CRB1: variants seen among roughly 807,000 people sequenced by gnomAD.
CRB1 encodes the protein protein crumbs homolog 1.
Under a neutral mutation model 120.0 loss-of-function variants are expected in CRB1, and 83 were observed. The observed-to-expected ratio is 0.69, with a 90% CI of 0.58 to 0.83. The LOEUF (loss-of-function observed/expected upper bound fraction) is 0.83, where lower values mean the gene tolerates loss of function less well. Ranked by LOEUF, CRB1 falls within the 40% of genes least tolerant of loss-of-function variation. CRB1 has a pLI of 0.00. For missense variants in CRB1, 1,699 were observed against 1,687.6 expected, an observed-to-expected ratio of 1.01 and a Z score of -0.12; for synonymous variants, 625 against 612.5, an observed-to-expected ratio of 1.02 and a Z score of -0.30.
intron 11 of CRB1, among the ~76,000 whole-genome samples, chr1:197,451,183 T>C (rs1426372460): frequency 2.0e-5 from 3 of 152,170 alleles, no homozygotes; most frequent in South Asian, 2.1e-4. Flanking sequence ...TAAGCACTGA[T>C]TGAAAGAGAG....
At chr1:197,461,414 C>T (rs1403786846) in intron 11 of CRB1, among the ~76,000 whole-genome samples, 1 of 152,060 alleles carries the variant, frequency 6.6e-6, no homozygotes, top group Non-Finnish European at 1.5e-5. Flanking sequence ...TGTAAAGAGG[C>T]ACTCTGGGAT....
At chr1:197,208,669 C>T in the CRB1 span, among the ~76,000 whole-genome samples, 1 of 152,086 alleles carries the variant, frequency 6.6e-6, no homozygotes, top group Non-Finnish European at 1.5e-5. Context: ...ATTAAATGTT[C>T]TGGTTTTCTG....
the CRB1 span, among the ~76,000 whole-genome samples, chr1:197,253,143 A>C: frequency 6.6e-6 from 1 of 152,050 alleles, no homozygotes; most frequent in Non-Finnish European, 1.5e-5. Context: ...CAAAATCTGC[A>C]TAGTCTACTC....
chr1:197,373,443 G>C (rs1373883147), intron 5 of CRB1, among the ~76,000 whole-genome samples: 3 of 152,140 alleles, frequency 2.0e-5, no homozygotes, highest in African/African-American at 4.8e-5. Context: ...CTGACATGAG[G>C]TTGTCACTAG....
chr1:197,286,839 TG>T (rs1399424383), intron 1 of CRB1, among the ~76,000 whole-genome samples: 3 of 151,922 alleles, frequency 2.0e-5, no homozygotes, highest in Admixed American at 1.3e-4. Flanking sequence ...CAAAGCCATA[TG>T]GTTATCAGAA....
rs1664455697 is a variant in CRB1, at chr1:197,423,923, C to T, written c.2128+1967C>T. Among the ~76,000 whole-genome samples, 5 of 152,070 alleles carry T rather than the reference C, an allele frequency of 3.3e-5. 1 individual carries two copies. Among genetic ancestry groups the T allele is most frequent in the Non-Finnish European group, 7.4e-5 (5 of 67,990 alleles). On this transcript the variant is annotated intron_variant, in intron 6 of 11. Coordinates refer to ENST00000367400, the MANE Select transcript of CRB1 (RefSeq NM_201253.3). ...AACTAAGCTTAGGTCACAGAAGTGT[C>T]CATAAGGTTCTCTCAGCATATCTTG...
At chr1:197,250,004 C>T in the CRB1 span, among the ~76,000 whole-genome samples, 1 of 151,986 alleles carries the variant, frequency 6.6e-6, no homozygotes, top group South Asian at 2.1e-4. Context: ...CCATGCACTC[C>T]TGCTTCTCTT....
intron 6 of CRB1, 59 bp from the exon 7 acceptor site, chr1:197,427,395 C>G (rs1393590518): frequency 5.9e-6 from 9 of 1,526,022 alleles, no homozygotes; most frequent in Non-Finnish European, 8.2e-6. Flanking sequence ...TCCCTTCTGT[C>G]TTTTGAGCCT....
chr1:197,259,263 G>A, the CRB1 span, among the ~76,000 whole-genome samples: 1 of 152,186 alleles, frequency 6.6e-6, no homozygotes, highest in Non-Finnish European at 1.5e-5. Context: ...CAATAGCAAA[G>A]GCATGGAATC....
chr1:197,419,393 C>T (rs1382678963), intron 5 of CRB1, among the ~76,000 whole-genome samples: 2 of 148,330 alleles, frequency 1.3e-5, no homozygotes, highest in South Asian at 4.2e-4. Flanking sequence ...ACAAGAGTCT[C>T]GCTTTGTTGC....
At chr1:197,201,610 G>C in the CRB1 span, among the ~76,000 whole-genome samples, 7 of 152,230 alleles carry the variant, frequency 4.6e-5, no homozygotes, top group African/African-American at 7.2e-5. Context: ...GCTGAGGGAG[G>C]GCAATGGGAG....
At chr1:197,366,208 C>G in intron 5 of CRB1, among the ~76,000 whole-genome samples, 1 of 151,900 alleles carries the variant, frequency 6.6e-6, no homozygotes, top group African/African-American at 2.4e-5. Flanking sequence ...TCTTCCATCC[C>G]GAATAGTTGG....
At chr1:197,250,871 G>T in the CRB1 span, among the ~76,000 whole-genome samples, 1 of 151,878 alleles carries the variant, frequency 6.6e-6, no homozygotes, top group African/African-American at 2.4e-5. Context: ...TCTTTCCCTT[G>T]TGTCTCCTGG....
chr1:197,297,268 G>C (rs992395190), intron 1 of CRB1, among the ~76,000 whole-genome samples: 1 of 151,766 alleles, frequency 6.6e-6, no homozygotes, highest in African/African-American at 2.4e-5. Flanking sequence ...TTGATTATCT[G>C]CTCCTAATTG....
chr1:197,253,922 G>A, the CRB1 span, among the ~76,000 whole-genome samples: 1 of 151,986 alleles, frequency 6.6e-6, no homozygotes, highest in Admixed American at 6.6e-5. Flanking sequence ...TGAGAGGTTT[G>A]TGTTTGTTTG....
At chr1:197,349,930 C>T (rs1659993927) in intron 4 of CRB1, among the ~76,000 whole-genome samples, 1 of 151,618 alleles carries the variant, frequency 6.6e-6, no homozygotes, top group African/African-American at 2.4e-5. Flanking sequence ...GAAACCCCGT[C>T]TCTACTAAAA....
intron 11 of CRB1, chr1:197,442,570 A>T: frequency 7.1e-7 from 1 of 1,404,840 alleles, no homozygotes; most frequent in Non-Finnish European, 9.3e-7. Flanking sequence ...TATCAGAAGC[A>T]CTTTGTCTGT....
intron 1 of CRB1, among the ~76,000 whole-genome samples, chr1:197,273,116 G>C (rs1048633762): frequency 1.3e-5 from 2 of 152,052 alleles, no homozygotes; most frequent in Non-Finnish European, 2.9e-5. Context: ...TTGCTGTCTT[G>C]TATTTTGAGG....
intron 5 of CRB1, among the ~76,000 whole-genome samples, chr1:197,386,562 C>A (rs749702511): frequency 4.6e-5 from 7 of 152,164 alleles, no homozygotes; most frequent in Non-Finnish European, 1.0e-4. Context: ...ACAACATGAT[C>A]TGGAAGTTGC....
Sources: allele counts gnomAD v4.1 joint callset (sites outside exome capture counted in the v4.1 genomes callset), GRCh38; gene constraint gnomAD v4.1.1; transcripts MANE v1.5; gene names NCBI Gene and HGNC (gene_info 2026-07-23, HGNC 2026-07-21).